The following SIL1 variants were observed in gnomAD, a reference collection of about 807,000 sequenced individuals.
SIL1 encodes nucleotide exchange factor SIL1.
A neutral mutation model predicts 49.1 loss-of-function variants in SIL1; 40 were observed. The ratio of observed to expected loss-of-function variants is 0.81; its 90% CI spans 0.63 to 1.06. The LOEUF is 1.06. Ranked by LOEUF, SIL1 falls within the 50% of genes least tolerant of loss-of-function variation. The pLI, the probability that SIL1 is intolerant of heterozygous loss-of-function variation, is 0.00. For synonymous variants in SIL1, 253 were observed against 250.8 expected, an observed-to-expected ratio of 1.01 and a Z score of -0.08; for missense variants, 500 against 572.6, an observed-to-expected ratio of 0.87 and a Z score of 1.29.
chr5:139,154,621 C>A (rs1488304614), intron 1 of SIL1, among the ~76,000 whole-genome samples: 1 of 152,152 alleles, frequency 6.6e-6, no homozygotes, highest in Admixed American at 6.5e-5. Context: ...CAGGAATACC[C>A]CGGTGTAAAA....
rs936473174 is a variant in SIL1 at position 138,948,833 on chromosome 5, G to C, written c.1030-1360C>G. Reference sequence around the variant, plus strand: ...GGAGGGCAGCGGGTTCCTTACGGGAGAGCGGTTGTTATTCTAGAGAGCAAG... The same window carrying C: ...GGAGGGCAGCGGGTTCCTTACGGGACAGCGGTTGTTATTCTAGAGAGCAAG... On this transcript the variant is annotated intron_variant, in intron 9 of 9. Coordinates refer to ENST00000394817, the MANE Select transcript of SIL1 (RefSeq NM_022464.5). The surrounding 1 kb of genome is among the most constrained non-coding windows in gnomAD (Gnocchi z 4.8). Among the ~76,000 whole-genome samples, 1 of 152,192 alleles carries C rather than the reference G, an allele frequency of 6.6e-6. No homozygotes were observed. The highest frequency in any genetic ancestry group is 2.1e-4 in the South Asian group (1 of 4,826).
chr5:138,999,549 C>T (rs566796738), intron 7 of SIL1, among the ~76,000 whole-genome samples: 2 of 152,218 alleles, frequency 1.3e-5, no homozygotes, highest in East Asian at 3.9e-4. Context: ...GCAGTCCTAG[C>T]TACTGAGGTG....
intron 6 of SIL1, among the ~76,000 whole-genome samples, chr5:139,026,317 G>T (rs1768648269): frequency 6.6e-6 from 1 of 152,048 alleles, no homozygotes; most frequent in Non-Finnish European, 1.5e-5. Context: ...AAAGAGGTTG[G>T]CTGGCCAGGC....
At chr5:139,195,146 G>A (rs1026312259) in intron 1 of SIL1, among the ~76,000 whole-genome samples, 5 of 152,032 alleles carry the variant, frequency 3.3e-5, no homozygotes, top group South Asian at 2.1e-4. Context: ...TGGTCAGGCT[G>A]GTCTTGAACT....
rs75437572 is a variant in SIL1, at chr5:139,122,624, T to A, written c.106-1451A>T. On this transcript the variant is annotated intron_variant, in intron 2 of 9. Transcript: ENST00000394817. ...AAAAAAAAAAGTGCCTGGCTCCAGA[T>A]AAGGACTCCCTCCTGCCTGGGTCCC... 9.6e-3 allele frequency among the ~76,000 whole-genome samples: 1,444 copies of A among 150,842 alleles called. 9 individuals carry two copies. The highest frequency in any genetic ancestry group is 0.017 in the Non-Finnish European group (1,143 of 67,820).
chr5:139,022,814 G>C (rs1768558605), intron 6 of SIL1, among the ~76,000 whole-genome samples: 1 of 152,210 alleles, frequency 6.6e-6, no homozygotes, highest in Non-Finnish European at 1.5e-5. Context: ...GGAGACTCAG[G>C]GTTGGGTGCT....
intron 1 of SIL1, among the ~76,000 whole-genome samples, chr5:139,160,149 A>ACACG (rs1190508275): frequency 3.3e-5 from 2 of 59,842 alleles, no homozygotes; most frequent in Admixed American, 4.0e-4. Context: ...ACAATCACAC[A>ACACG]CACACACACA....
Position 138,951,833 on chromosome 5 carries a change from C to T in SIL1, c.819G>A (p.Leu273=), listed in dbSNP as rs778802859. The part of the protein sequence containing the change: ...EAIEGGALQK[L]LVILATEQPL... ...GCTGCTCCGTGGCCAGGATGACCAG[C>T]AGCTTCTGCAGGGCTCCCCCTTCGA... Residue 273 remains leucine (L), a synonymous_variant, in exon 8 of 10, where the codon CTG becomes CTA. Transcript: ENST00000394817. The T allele has an allele frequency of 1.2e-6, 2 of 1,613,990 alleles. No individual in the cohort carries two copies. The highest frequency in any genetic ancestry group is 8.5e-7 in the Non-Finnish European group (1 of 1,180,050).
chr5:139,013,932 A>C (rs948535522), intron 7 of SIL1: 1 of 152,146 alleles, frequency 6.6e-6, no homozygotes, highest in Non-Finnish European at 1.5e-5. Flanking sequence ...TGGTGACTTC[A>C]ATTTTTGTGT....
chr5:139,129,467 T>C (rs1013023507), intron 1 of SIL1, among the ~76,000 whole-genome samples: 3 of 152,064 alleles, frequency 2.0e-5, no homozygotes, highest in Non-Finnish European at 4.4e-5. Context: ...GGTCAGGAGA[T>C]CAAGATCATC....
At chr5:138,956,774 G>A in intron 7 of SIL1, among the ~76,000 whole-genome samples, 1 of 150,056 alleles carries the variant, frequency 6.7e-6, no homozygotes, top group Non-Finnish European at 1.5e-5. Flanking sequence ...TTACCGAATT[G>A]AATAAAAATG....
chr5:139,139,162 G>T (rs960384958), intron 1 of SIL1, among the ~76,000 whole-genome samples: 1 of 152,174 alleles, frequency 6.6e-6, no homozygotes, highest in Non-Finnish European at 1.5e-5. Flanking sequence ...AGCATCCAGG[G>T]ACTAAGGGTC....
At chr5:138,978,774 G>T (rs1285392091) in intron 7 of SIL1, among the ~76,000 whole-genome samples, 2 of 152,186 alleles carry the variant, frequency 1.3e-5, no homozygotes, top group African/African-American at 4.8e-5. Context: ...AGTTAATGAT[G>T]TTGAGCATCA....
chr5:139,188,052 T>C (rs1211323446), intron 1 of SIL1: 1 of 152,764 alleles, frequency 6.5e-6, no homozygotes, highest in Non-Finnish European at 1.5e-5. Context: ...CAGAAGTCTG[T>C]ACAGCCTGCA....
At chr5:139,189,827 A>G (rs1313441840) in intron 1 of SIL1, among the ~76,000 whole-genome samples, 1 of 152,178 alleles carries the variant, frequency 6.6e-6, no homozygotes, top group East Asian at 1.9e-4. Flanking sequence ...TCTCAAAAAT[A>G]ATAATAACAG....
At chr5:138,951,708 C>A in intron 8 of SIL1, 80 bp downstream of exon 8, 1 of 1,340,252 alleles carries the variant, frequency 7.5e-7, no homozygotes, top group South Asian at 1.2e-5. Context: ...GTAACATGCA[C>A]AGCCTGGACA....
At chr5:138,971,609 G>A (rs1249155069) in intron 7 of SIL1, among the ~76,000 whole-genome samples, 1 of 152,126 alleles carries the variant, frequency 6.6e-6, no homozygotes, top group Non-Finnish European at 1.5e-5. Context: ...CCTTTGACGG[G>A]GGTCAAGAGC....
intron 2 of SIL1, among the ~76,000 whole-genome samples, chr5:139,124,740 T>C (rs1296987912): frequency 6.6e-6 from 1 of 152,232 alleles, no homozygotes. Flanking sequence ...GCAGCTACCA[T>C]TTATTAAGCC....
At chr5:138,955,732 G>GCCCAGAGTTGCTCCCCATTCACACC (rs1325581735) in intron 7 of SIL1, among the ~76,000 whole-genome samples, 2 of 152,228 alleles carry the variant, frequency 1.3e-5, no homozygotes, top group East Asian at 3.9e-4. Context: ...TTTTGTTCAA[G>GCCCAGAGTTGCTCCCCATTCACACC]AATTATCAGA....
Sources: gnomAD v4.1 joint callset for allele counts (sites outside exome capture counted in the v4.1 genomes callset) on GRCh38, gnomAD v4.1.1 for gene constraint, Gnocchi (gnomAD v3.1) non-coding constraint, MANE v1.5 for transcripts, NCBI Gene and HGNC (gene_info 2026-07-23, HGNC 2026-07-21) for gene names.